Variants in KDM4C observed in about 807,000 individuals in gnomAD.
The protein encoded by KDM4C is lysine-specific demethylase 4C.
KDM4C carries 81 observed loss-of-function variants against 129.3 expected under a neutral mutation model. The ratio of observed to expected loss-of-function variants is 0.63; its 90% CI spans 0.52 to 0.75. KDM4C has a LOEUF of 0.75. Among genes scored for constraint, KDM4C ranks in the 30% least tolerant of loss-of-function variants. The pLI is 0.00. For synonymous variants in KDM4C, 573 were observed against 456.1 expected (o/e 1.26, Z -3.26); for missense variants, 1,457 against 1,304.0 (o/e 1.12, Z -1.81).
At chr9:7,117,202 G>A (rs933960074) in intron 18 of KDM4C, among the ~76,000 whole-genome samples, 23 of 152,004 alleles carry the variant, frequency 1.5e-4, no homozygotes, top group African/African-American at 5.6e-4. Flanking sequence ...TTGAGACTAT[G>A]ACTTGGATTT....
At chr9:6,743,948 A>G (rs1221986781) in intron 1 of KDM4C, among the ~76,000 whole-genome samples, 1 of 149,072 alleles carries the variant, frequency 6.7e-6, no homozygotes. Context: ...AGGTCTCGCT[A>G]TGCTACCCAG....
At chr9:7,143,910 T>G (rs1004983748) in intron 19 of KDM4C, among the ~76,000 whole-genome samples, 1 of 152,226 alleles carries the variant, frequency 6.6e-6, no homozygotes, top group African/African-American at 2.4e-5. Flanking sequence ...TTGGTTAACT[T>G]TATGCATTTA....
intron 12 of KDM4C, among the ~76,000 whole-genome samples, chr9:7,009,486 A>G (rs961979537): frequency 1.6e-4 from 25 of 152,204 alleles, no homozygotes; most frequent in East Asian, 3.9e-4. Flanking sequence ...AATAAAATTG[A>G]TGCTTTTTTC....
chr9:6,732,097 G>C (rs772593517), intron 1 of KDM4C, among the ~76,000 whole-genome samples: 1 of 151,936 alleles, frequency 6.6e-6, no homozygotes, highest in African/African-American at 2.4e-5. Flanking sequence ...GCTGGGTGTG[G>C]TGGCTCACAT....
intron 4 of KDM4C, among the ~76,000 whole-genome samples, chr9:6,835,797 A>G (rs575584087): frequency 1.4e-4 from 22 of 151,870 alleles, no homozygotes; most frequent in African/African-American, 5.1e-4. Flanking sequence ...TGAGGACTCT[A>G]TTTCTTGTTT....
At chr9:6,721,008 C>T (rs990890283) in intron 1 of KDM4C, 1 of 1,550,346 alleles carries the variant, frequency 6.5e-7, no homozygotes, top group African/African-American at 1.4e-5. Flanking sequence ...GTGAGTGCTG[C>T]TCTGAACATA....
At chr9:6,811,477 C>A (rs915791426) in intron 3 of KDM4C, among the ~76,000 whole-genome samples, 2 of 152,162 alleles carry the variant, frequency 1.3e-5, no homozygotes, top group East Asian at 1.9e-4. Flanking sequence ...GGTGCACCGT[C>A]TGTAATGTAC....
At chr9:6,867,983 A>C (rs1842308678) in intron 5 of KDM4C, among the ~76,000 whole-genome samples, 1 of 152,198 alleles carries the variant, frequency 6.6e-6, no homozygotes, top group African/African-American at 2.4e-5. Context: ...CTACTTTGGA[A>C]AAGCTTTAAC....
rs114142516 is a variant in KDM4C at position 7,128,800 on chromosome 9, G to T, written c.2781+564G>T. Among the ~76,000 whole-genome samples, 507 of 152,252 alleles carry T rather than the reference G, an allele frequency of 3.3e-3. 3 individuals carry two copies. The highest frequency in any genetic ancestry group is 0.012 in the African/African-American group (481 of 41,544). ...TGTGTGTGTGCGTGCGCGTGTGTGT[G>T]TGTCTGGCTGTCTTGTTGGTCTGTC... On this transcript the variant is annotated intron_variant, in intron 19 of 21. Coordinates refer to ENST00000381309, the MANE Select transcript of KDM4C (RefSeq NM_015061.6).
chr9:6,771,758 A>G (rs888532652), intron 1 of KDM4C, among the ~76,000 whole-genome samples: 1 of 152,244 alleles, frequency 6.6e-6, no homozygotes, highest in Non-Finnish European at 1.5e-5. Flanking sequence ...GCGCTGGTCC[A>G]GGCCACAGCT....
intron 3 of KDM4C, among the ~76,000 whole-genome samples, chr9:6,808,974 A>G (rs180744699): frequency 1.1e-4 from 17 of 152,268 alleles, no homozygotes; most frequent in African/African-American, 3.6e-4. Context: ...CCAACAAAAA[A>G]TCATAGTTTC....
chr9:6,892,803 T>C (rs1846292763), intron 7 of KDM4C, among the ~76,000 whole-genome samples: 1 of 152,194 alleles, frequency 6.6e-6, no homozygotes, highest in African/African-American at 2.4e-5. Flanking sequence ...ATGAACAAAT[T>C]TACTTGAATA....
chr9:6,731,325 C>CTTTT lies in KDM4C; in HGVS notation c.49+10343_49+10346dup, dbSNP rs34724329. 1.1e-3 allele frequency among the ~76,000 whole-genome samples: 122 copies of CTTTT among 114,016 alleles called. 3 individuals are homozygous for CTTTT. Among genetic ancestry groups the CTTTT allele is most frequent in the Non-Finnish European group, 1.5e-3 (85 of 57,710 alleles). The allele number at this position is 114,016 out of a possible 152,430, so 74.8% of individuals were successfully genotyped here. A position where few individuals can be genotyped will look rare whatever the true frequency, so the allele number is the denominator to read the frequency against. On this transcript the variant is annotated intron_variant, in intron 1 of 17. Coordinates refer to the KDM4C transcript ENST00000536108. ...CAGAAGCAACTACATTTTTTTTTTG[C>CTTTT]TTTTTTTTTTTTTTTTTTGAGACTG...
intron 17 of KDM4C, among the ~76,000 whole-genome samples, chr9:7,079,425 C>G (rs939131674): frequency 6.6e-6 from 1 of 152,118 alleles, no homozygotes; most frequent in African/African-American, 2.4e-5. Flanking sequence ...CTGGTTCAAG[C>G]GATTCTCCTG....
chr9:6,884,120 G>GGC lies in KDM4C; in HGVS notation c.680-3839_680-3838dup, dbSNP rs577051999. Among the ~76,000 whole-genome samples the GGC allele has an allele frequency of 3.9e-5, 6 of 152,284 alleles. No homozygotes were observed. In the East Asian group the frequency reaches 7.7e-4, roughly 20 times the overall value. ...TCCAGGATCAGTATGAAGTTCTCCT[G>GGC]GCACTCCTCCTGGAGCGCTCTGCTG... On this transcript the variant is annotated intron_variant, in intron 6 of 21. Transcript: ENST00000381309.
chr9:6,783,551 G>T (rs1201185554), intron 1 of KDM4C, among the ~76,000 whole-genome samples: 1 of 152,130 alleles, frequency 6.6e-6, no homozygotes, highest in East Asian at 1.9e-4. Flanking sequence ...TCTGTGTTTG[G>T]TGGAAAGGGA....
chr9:6,800,162 G>A (rs1828663824), intron 2 of KDM4C, among the ~76,000 whole-genome samples: 1 of 152,174 alleles, frequency 6.6e-6, no homozygotes. Flanking sequence ...GAGGCCAGGA[G>A]TTTGAGACCA....
chr9:6,797,637 T>C (rs1209948606), intron 2 of KDM4C, among the ~76,000 whole-genome samples: 1 of 152,244 alleles, frequency 6.6e-6, no homozygotes, highest in Non-Finnish European at 1.5e-5. Context: ...ACATAGATTG[T>C]CCTGGACTGT....
chr9:7,169,782 T>C lies in KDM4C; in HGVS notation c.2902-16T>C, dbSNP rs755908916. 6.3e-6 allele frequency: 10 copies of C among 1,591,116 alleles called. No individual in the cohort carries two copies. Among genetic ancestry groups the C allele is most frequent in the Middle Eastern group, 1.7e-4 (1 of 6,022 alleles). On this transcript the variant is annotated splice_polypyrimidine_tract_variant and intron_variant, in intron 20 of 21. Transcript: ENST00000381309. ...TGTTTTTTTAATATGTATCATGTTA[T>C]ATTATCTTTCATTAGGTTGAGTTTG...
Sources: allele counts gnomAD v4.1 joint callset (sites outside exome capture counted in the v4.1 genomes callset), GRCh38; gene constraint gnomAD v4.1.1; transcripts MANE v1.5; gene names NCBI Gene and HGNC (gene_info 2026-07-23, HGNC 2026-07-21).